RAD17: variants seen among roughly 807,000 people sequenced by gnomAD.
RAD17 encodes RAD17 checkpoint clamp loader component.
In RAD17, 31 loss-of-function variants were observed where a neutral mutation model predicts 81.5. The ratio of observed to expected loss-of-function variants is 0.38; its 90% CI spans 0.29 to 0.51. The LOEUF is 0.51. RAD17 is among the 20% of genes least tolerant of loss of function. RAD17 has a pLI of 0.88. For synonymous variants in RAD17, 261 were observed against 266.2 expected (o/e 0.98, Z 0.19); for missense variants, 681 against 781.2 (o/e 0.87, Z 1.53).
chr5:69,396,298 A>G, intron 15 of RAD17, 99 bp from the exon 16 acceptor site: 4 of 1,320,480 alleles, frequency 3.0e-6, no homozygotes, highest in Non-Finnish European at 4.1e-6. Flanking sequence ...AAGTGAACAC[A>G]TAGAAACTAA....
At chr5:69,404,613 C>CA (rs1236085000) in intron 17 of RAD17, among the ~76,000 whole-genome samples, 7 of 151,986 alleles carry the variant, frequency 4.6e-5, no homozygotes, top group South Asian at 4.1e-4. Context: ...ACTGAAAATA[C>CA]AAAAAATTAG....
intron 17 of RAD17, 117 bp from the exon 18 acceptor site, chr5:69,410,376 G>A: frequency 1.4e-6 from 1 of 727,524 alleles, no homozygotes; most frequent in East Asian, 2.9e-5. Context: ...TCTCACTATG[G>A]CTTGGATTTG....
In RAD17 at chr5:69,385,212, G is replaced by A. The variant is rs1309303947; in HGVS notation, c.645+279G>A. ...CCTGACCTCATGATATGCCCACCGT[G>A]GCCTCCCAAAGTGCTGGGATTACAG... On this transcript the variant is annotated intron_variant, in intron 8 of 18. Coordinates refer to ENST00000354868, the MANE Select transcript of RAD17 (RefSeq NM_133338.3). 5.3e-5 allele frequency among the ~76,000 whole-genome samples: 8 copies of A among 151,200 alleles called. No homozygotes were observed. In the East Asian group the frequency reaches 9.7e-4, roughly 18 times the overall value.
intron 9 of RAD17, 27 bp from the exon 10 acceptor site, chr5:69,386,153 C>T (rs749586224): frequency 6.3e-7 from 1 of 1,599,834 alleles, no homozygotes; most frequent in South Asian, 1.1e-5. Flanking sequence ...GCTTAAATTT[C>T]AACATTGCTG....
At chr5:69,400,715 C>G (rs1765213157) in intron 17 of RAD17, among the ~76,000 whole-genome samples, 1 of 151,582 alleles carries the variant, frequency 6.6e-6, no homozygotes, top group African/African-American at 2.4e-5. Flanking sequence ...AGGGAGATCA[C>G]TGGAGGTTAG....
intron 17 of RAD17, among the ~76,000 whole-genome samples, chr5:69,404,794 T>C (rs2150873287): frequency 6.6e-6 from 1 of 151,340 alleles, no homozygotes; most frequent in South Asian, 2.1e-4. Context: ...TAGATAAAAT[T>C]AGCCGGGTGT....
At chr5:69,369,521 G>A (rs773812621), upstream of RAD17, 12 of 1,610,964 alleles carry the variant, frequency 7.4e-6, no homozygotes, top group South Asian at 2.2e-5. Flanking sequence ...CGGGCGCCTC[G>A]CTCACGTGCC....
At chr5:69,377,912 T>G (rs763870611) in intron 6 of RAD17, among the ~76,000 whole-genome samples, 1 of 151,338 alleles carries the variant, frequency 6.6e-6, no homozygotes, top group Non-Finnish European at 1.5e-5. Context: ...CCACCTCAGC[T>G]TCCTGAGTAG....
intron 12 of RAD17, among the ~76,000 whole-genome samples, chr5:69,390,458 G>A (rs913080113): frequency 1.3e-5 from 2 of 151,592 alleles, no homozygotes; most frequent in Non-Finnish European, 2.9e-5. Flanking sequence ...GCAAGACCTT[G>A]TCTCTACAAA....
chr5:69,374,558 C>A, intron 5 of RAD17, 70 bp from the exon 6 acceptor site: 1 of 1,002,720 alleles, frequency 1.0e-6, no homozygotes, highest in South Asian at 1.5e-5. Flanking sequence ...TGCTTAGGTT[C>A]ATATGTGCTG....
chr5:69,375,716 T>C (rs1763292154), intron 6 of RAD17, among the ~76,000 whole-genome samples: 1 of 152,206 alleles, frequency 6.6e-6, no homozygotes, highest in Admixed American at 6.5e-5. Flanking sequence ...TAATGCTGTC[T>C]AATGATGAAT....
chr5:69,377,560 T>TATATATATGCATATATATGTATAC (rs1763495952), intron 6 of RAD17, among the ~76,000 whole-genome samples: 1 of 8,096 alleles, frequency 1.2e-4, no homozygotes, highest in Non-Finnish European at 5.4e-4. Context: ...CATATATATG[T>TATATATATGCATATATATGTATAC]ATATATATAT....
intron 12 of RAD17, among the ~76,000 whole-genome samples, chr5:69,390,407 T>A (rs1388337662): frequency 6.6e-6 from 1 of 152,000 alleles, no homozygotes; most frequent in Non-Finnish European, 1.5e-5. Flanking sequence ...GGTGGGTGGA[T>A]CACTTGAGCC....
rs1482125700 is a variant in RAD17, at chr5:69,371,449, C to G, written c.-279-5C>G. ...TTGAGGGCTTCTTCCCCCCCCCCCC[C>G]CCAGGTGAATTATAGTTTAATGTAC... On this transcript the variant is annotated splice_polypyrimidine_tract_variant and splice_region_variant and intron_variant, in intron 2 of 18. Coordinates refer to ENST00000354868, the MANE Select transcript of RAD17 (RefSeq NM_133338.3). 0.017 allele frequency: 4,986 copies of G among 289,508 alleles called. 573 individuals carry two copies. Among genetic ancestry groups the G allele is most frequent in the Non-Finnish European group, 0.027 (4,176 of 157,520 alleles). The allele number at this position is 289,508 out of a possible 1,614,324, so 17.9% of individuals were successfully genotyped here.
In RAD17 at chr5:69,410,568, AT is replaced by A. The variant is rs1170546553; in HGVS notation, c.1751+21del. The A allele has an allele frequency of 6.2e-7, 1 of 1,607,790 alleles. No individual in the cohort carries two copies. Among genetic ancestry groups the A allele is most frequent in the African/African-American group, 1.3e-5 (1 of 74,738 alleles). On this transcript the variant is annotated intron_variant, in intron 18 of 18. Coordinates refer to ENST00000354868, the MANE Select transcript of RAD17 (RefSeq NM_133338.3). ...TTTGGAAGGTAAGCTGATCATCTCA[AT>A]TTCCAAAAAGCTGATAATGAAATGT...
At chr5:69,400,564 A>G (rs1209634969) in intron 17 of RAD17, among the ~76,000 whole-genome samples, 2 of 151,894 alleles carry the variant, frequency 1.3e-5, no homozygotes, top group Admixed American at 6.6e-5. Context: ...ATTTATTGCT[A>G]TATGCAGTGA....
chr5:69,374,327 A>G (rs1763205700), intron 5 of RAD17, among the ~76,000 whole-genome samples: 1 of 152,180 alleles, frequency 6.6e-6, no homozygotes, highest in African/African-American at 2.4e-5. Flanking sequence ...GATCTTTTTA[A>G]AAATTTTTGT....
intron 16 of RAD17, among the ~76,000 whole-genome samples, chr5:69,397,889 G>T (rs528148360): frequency 6.6e-6 from 1 of 152,086 alleles, no homozygotes; most frequent in Non-Finnish European, 1.5e-5. Flanking sequence ...AGGCTGAGGC[G>T]GGCAGATCAC....
At chr5:69,384,419 C>T (rs534421119) in intron 7 of RAD17, among the ~76,000 whole-genome samples, 4 of 152,056 alleles carry the variant, frequency 2.6e-5, no homozygotes, top group African/African-American at 9.7e-5. Flanking sequence ...CTATTACCCC[C>T]ACCCTCTGCC....
Sources: allele counts gnomAD v4.1 joint callset (sites outside exome capture counted in the v4.1 genomes callset), GRCh38; gene constraint gnomAD v4.1.1; transcripts MANE v1.5; gene names NCBI Gene and HGNC (gene_info 2026-07-23, HGNC 2026-07-21).